Variants in MRC2 observed in about 807,000 individuals in gnomAD.
The protein encoded by MRC2 is mannose receptor C-type 2.
A neutral mutation model predicts 206.2 loss-of-function variants in MRC2; 84 were observed. The ratio of observed to expected loss-of-function variants is 0.41; its 90% CI spans 0.34 to 0.49. The LOEUF (loss-of-function observed/expected upper bound fraction) is 0.49. MRC2 is among the 20% of genes least tolerant of loss of function. The pLI is 0.31. For synonymous variants in MRC2, 798 were observed against 800.0 expected, an observed-to-expected ratio of 1.00 and a Z score of 0.04; for missense variants, 1,676 against 2,001.5, an observed-to-expected ratio of 0.84 and a Z score of 3.10.
intron 6 of MRC2, among the ~76,000 whole-genome samples, chr17:62,668,583 C>T (rs1334981074): frequency 6.6e-6 from 1 of 152,066 alleles, no homozygotes; most frequent in Non-Finnish European, 1.5e-5. Context: ...TAACAAGATC[C>T]TCAGATGATT....
chr17:62,690,884 C>A (rs2089101730), intron 27 of MRC2, 65 bp from the exon 28 acceptor site: 1 of 1,501,168 alleles, frequency 6.7e-7, no homozygotes, highest in Non-Finnish European at 8.9e-7. Flanking sequence ...TAGAACACAC[C>A]TGCTCTCCTC....
chr17:62,688,714 T>C (rs776983007), intron 22 of MRC2, 50 bp downstream of exon 22: 1 of 1,600,802 alleles, frequency 6.2e-7, no homozygotes, highest in South Asian at 1.1e-5. Flanking sequence ...CCTAAGCCTG[T>C]GGGGCTGCCT....
At chr17:62,661,455 A>AT (rs879521594) in intron 1 of MRC2, among the ~76,000 whole-genome samples, 4 of 151,736 alleles carry the variant, frequency 2.6e-5, no homozygotes, top group Non-Finnish European at 4.4e-5. Flanking sequence ...TCATGTATCT[A>AT]TTTTTTTGGT....
intron 9 of MRC2, among the ~76,000 whole-genome samples, chr17:62,674,624 C>T (rs767983131): frequency 1.2e-4 from 18 of 152,156 alleles, no homozygotes; most frequent in Non-Finnish European, 2.1e-4. Context: ...AGTGAGGCCA[C>T]TCAGGGTGGG....
intron 20 of MRC2, among the ~76,000 whole-genome samples, chr17:62,683,290 G>C (rs1171535887): frequency 6.6e-6 from 1 of 151,672 alleles, no homozygotes; most frequent in Non-Finnish European, 1.5e-5. Context: ...CCAACATGGA[G>C]AAACCCCATC....
intron 1 of MRC2, among the ~76,000 whole-genome samples, chr17:62,629,555 A>C (rs1487533595): frequency 6.6e-6 from 1 of 152,174 alleles, no homozygotes; most frequent in Non-Finnish European, 1.5e-5. Flanking sequence ...GGTGGCAGGC[A>C]GTGTGAGGTC....
chr17:62,679,741 G>T lies in MRC2; in HGVS notation c.2196-59G>T, dbSNP rs548457115. 3.0e-4 allele frequency: 457 copies of T among 1,534,004 alleles called. 1 individual carries two copies. In the South Asian group the frequency reaches 5.0e-3, roughly 17 times the overall value. ...GCTGCAAGGGACAGGGGGCACGTTT[G>T]GGTTCCTGCCCCTCTCACTTCCCAT... On this transcript the variant is annotated intron_variant, in intron 13 of 29. Coordinates refer to ENST00000303375, the MANE Select transcript of MRC2 (RefSeq NM_006039.5).
At chr17:62,641,893 C>G (rs925616256) in intron 1 of MRC2, among the ~76,000 whole-genome samples, 5 of 93,214 alleles carry the variant, frequency 5.4e-5, no homozygotes, top group African/African-American at 1.3e-4. Flanking sequence ...TTATCTCACT[C>G]TCTGTGTGTG....
intron 1 of MRC2, among the ~76,000 whole-genome samples, chr17:62,649,620 C>T (rs1004608867): frequency 6.6e-6 from 1 of 152,034 alleles, no homozygotes; most frequent in African/African-American, 2.4e-5. Flanking sequence ...GCTTTTAGAA[C>T]CAAACAAGTG....
At position 62,664,957 on chromosome 17, in the gene MRC2, G is replaced by A; in HGVS notation, c.520+8G>A. On this transcript the variant is annotated splice_region_variant and intron_variant, in intron 2 of 29. Transcript: ENST00000303375. This position sits in a 1 kb window ranked among gnomAD's most constrained non-coding sequence, Gnocchi z 4.7. Reference sequence around the variant, plus strand: ...GTGCTCTGCCCTACCACGGTGAGGGGCCGCTTGCAGGCGGGAGGGTGGGGT... The same window carrying A: ...GTGCTCTGCCCTACCACGGTGAGGGACCGCTTGCAGGCGGGAGGGTGGGGT... 1 of 1,590,838 alleles carries A rather than the reference G, an allele frequency of 6.3e-7. No homozygotes were observed. The highest frequency in any genetic ancestry group is 8.5e-7 in the Non-Finnish European group (1 of 1,169,770).
In MRC2 at chr17:62,688,425, C is replaced by A. The variant is rs201049320; in HGVS notation, c.3061+22C>A. ...CAAGGTAGGGCCAGCCTATGGGGAG[C>A]CCCCAGTATCCTCTGACACTGTCCC... On this transcript the variant is annotated intron_variant, in intron 21 of 29. Coordinates refer to ENST00000303375, the MANE Select transcript of MRC2 (RefSeq NM_006039.5). 1.6e-5 allele frequency: 26 copies of A among 1,613,790 alleles called. No homozygotes were observed. In the African/African-American group the frequency reaches 3.2e-4, roughly 20 times the overall value.
intron 12 of MRC2, 105 bp from the exon 13 acceptor site, chr17:62,678,399 G>A (rs1235726930): frequency 3.4e-6 from 5 of 1,464,806 alleles, no homozygotes; most frequent in Non-Finnish European, 2.7e-6. Context: ...CCCCTGTCCA[G>A]TAAGGCTCCA....
At chr17:62,665,396 C>T (rs2088737675) in intron 2 of MRC2, among the ~76,000 whole-genome samples, 1 of 114,076 alleles carries the variant, frequency 8.8e-6, no homozygotes, top group Non-Finnish European at 1.8e-5. Flanking sequence ...CAGAGCAAGA[C>T]TCTGTCCCCC....
rs766087611 is a variant in MRC2, at chr17:62,664,826, C to T, written c.397C>T (p.Leu133Phe). The T allele has an allele frequency of 1.9e-6, 3 of 1,613,864 alleles. No individual in the cohort carries two copies. The highest frequency in any genetic ancestry group is 2.2e-5 in the East Asian group (1 of 44,880). The change falls in exon 2 of 30, where the codon CTC becomes TTC. Residue 133 changes from leucine (L) to phenylalanine (F), a missense_variant. Around this residue, in one of 3 missense-constraint regions of MRC2, gnomAD observed 318 missense variants for 346.7 expected, o/e 0.92. Transcript: ENST00000303375. The surrounding 1 kb of genome is among the most constrained non-coding windows in gnomAD (Gnocchi z 4.7). ...CRTLGDQLSL[L>F]LGARTSNISK... Reference sequence around the variant, plus strand: ...TACACTGGGTGACCAGCTGTCCTTGCTCCTGGGGGCCCGCACCAGCAACAT... The same window carrying T: ...TACACTGGGTGACCAGCTGTCCTTGTTCCTGGGGGCCCGCACCAGCAACAT...
chr17:62,641,229 G>C (rs2088398643), intron 1 of MRC2, among the ~76,000 whole-genome samples: 1 of 151,346 alleles, frequency 6.6e-6, no homozygotes, highest in African/African-American at 2.4e-5. Context: ...GGAGGCCGAG[G>C]TGGGTGGATC....
At chr17:62,673,332 G>T (rs925697585) in intron 8 of MRC2, among the ~76,000 whole-genome samples, 1 of 152,286 alleles carries the variant, frequency 6.6e-6, no homozygotes, top group African/African-American at 2.4e-5. Context: ...AGCTTCATCA[G>T]CTGAGATTCT....
chr17:62,651,198 C>G (rs1443186664), intron 1 of MRC2, among the ~76,000 whole-genome samples: 1 of 151,920 alleles, frequency 6.6e-6, no homozygotes, highest in African/African-American at 2.4e-5. Flanking sequence ...ATTCTTCTGC[C>G]TCAGCCTCCC....
intron 8 of MRC2, 65 bp from the exon 9 acceptor site, chr17:62,673,998 A>G: frequency 7.8e-7 from 1 of 1,277,768 alleles, no homozygotes; most frequent in Non-Finnish European, 1.1e-6. Context: ...ACCAGATTCC[A>G]AGAAGGATTT....
chr17:62,689,248 G>A (rs888459922), intron 23 of MRC2: 9 of 585,694 alleles, frequency 1.5e-5, no homozygotes, highest in Non-Finnish European at 2.7e-5. Flanking sequence ...GAGGTTCCAG[G>A]TCCAAGACAC....
Sources: allele counts gnomAD v4.1 joint callset (sites outside exome capture counted in the v4.1 genomes callset), GRCh38; gene constraint gnomAD v4.1.1; regional missense constraint gnomAD v4.1.1; non-coding constraint Gnocchi (gnomAD v3.1); transcripts MANE v1.5; gene names NCBI Gene and HGNC (gene_info 2026-07-23, HGNC 2026-07-21).